SCN8A: variants seen among roughly 807,000 people sequenced by gnomAD.
The protein encoded by SCN8A is sodium voltage-gated channel alpha subunit 8.
Under a neutral mutation model 184.1 loss-of-function variants are expected in SCN8A, and 30 were observed. That is an observed-to-expected ratio of 0.16 (90% CI 0.12 to 0.22). The LOEUF is 0.22. Ranked by LOEUF, SCN8A falls within the 10% of genes least tolerant of loss-of-function variation. SCN8A has a pLI of 1.00. For missense variants in SCN8A, 1,057 were observed against 2,498.9 expected, an observed-to-expected ratio of 0.42 and a Z score of 12.30; for synonymous variants, 852 against 907.0, an observed-to-expected ratio of 0.94 and a Z score of 1.09.
intron 14 of SCN8A, among the ~76,000 whole-genome samples, chr12:51,759,837 C>T (rs55951855): frequency 0.051 from 7,787 of 152,290 alleles, 320 homozygotes; most frequent in South Asian, 0.11. Flanking sequence ...GCTGACATTT[C>T]TAGAGACTGA....
chr12:51,647,133 C>T (rs1045371964), intron 1 of SCN8A, among the ~76,000 whole-genome samples: 55 of 152,068 alleles, frequency 3.6e-4, no homozygotes, highest in African/African-American at 1.1e-3. Context: ...TGCTTGAGCC[C>T]AGGAGTTTAA....
chr12:51,799,939 G>A (rs1425489296), intron 26 of SCN8A, among the ~76,000 whole-genome samples: 1 of 152,174 alleles, frequency 6.6e-6, no homozygotes, highest in Non-Finnish European at 1.5e-5. Context: ...CCCATCCCCT[G>A]GCACCCAAAT....
intron 1 of SCN8A, among the ~76,000 whole-genome samples, chr12:51,633,347 G>A (rs1940241711): frequency 6.6e-6 from 1 of 152,178 alleles, no homozygotes; most frequent in Non-Finnish European, 1.5e-5. Flanking sequence ...CATCTTCATG[G>A]TTCTGTGTTT....
chr12:51,688,278 A>G (rs891682810), intron 5 of SCN8A, among the ~76,000 whole-genome samples: 6 of 152,358 alleles, frequency 3.9e-5, no homozygotes, highest in African/African-American at 1.4e-4. Context: ...CATGACTACA[A>G]TCATATGATT....
intron 1 of SCN8A, among the ~76,000 whole-genome samples, chr12:51,593,662 A>G (rs912432294): frequency 1.2e-4 from 18 of 151,996 alleles, no homozygotes; most frequent in Admixed American, 2.0e-4. Context: ...GGCGAAGTGC[A>G]CACACACTGG....
At chr12:51,698,445 C>T (rs1240091514) in intron 6 of SCN8A, among the ~76,000 whole-genome samples, 3 of 152,270 alleles carry the variant, frequency 2.0e-5, no homozygotes, top group South Asian at 4.1e-4. Context: ...CAAGGCTTAG[C>T]GCCTGCCTCT....
At chr12:51,730,044 A>T (rs1220389127) in intron 12 of SCN8A, among the ~76,000 whole-genome samples, 1 of 152,008 alleles carries the variant, frequency 6.6e-6, no homozygotes, top group Non-Finnish European at 1.5e-5. Context: ...TCAAATATAA[A>T]AATGTTTAAT....
At chr12:51,678,539 C>T (rs1012902433) in intron 2 of SCN8A, among the ~76,000 whole-genome samples, 2 of 152,190 alleles carry the variant, frequency 1.3e-5, no homozygotes, top group Admixed American at 6.5e-5. Context: ...CCTGAGTATG[C>T]CCATCAGGCA....
At chr12:51,678,536 A>G (rs1941265813) in intron 2 of SCN8A, among the ~76,000 whole-genome samples, 1 of 152,248 alleles carries the variant, frequency 6.6e-6, no homozygotes, top group African/African-American at 2.4e-5. Context: ...GGACCTGAGT[A>G]TGCCCATCAG....
intron 1 of SCN8A, among the ~76,000 whole-genome samples, chr12:51,595,171 C>T (rs1320579243): frequency 3.9e-5 from 6 of 152,076 alleles, no homozygotes; most frequent in Middle Eastern, 6.3e-3. Context: ...GGCGAGCACC[C>T]GCTTAAAAAA....
intron 15 of SCN8A, among the ~76,000 whole-genome samples, chr12:51,763,915 A>T (rs758229812): frequency 7.9e-5 from 12 of 152,270 alleles, no homozygotes; most frequent in Non-Finnish European, 1.6e-4. Context: ...AAGTGAAACT[A>T]TTTGTAAAAC....
At chr12:51,667,842 A>G (rs1941062239) in intron 2 of SCN8A, among the ~76,000 whole-genome samples, 1 of 152,156 alleles carries the variant, frequency 6.6e-6, no homozygotes. Context: ...TTAAATTACA[A>G]GATTGATCAA....
At chr12:51,694,975 A>G (rs1941569763) in intron 6 of SCN8A, among the ~76,000 whole-genome samples, 1 of 152,236 alleles carries the variant, frequency 6.6e-6, no homozygotes, top group Non-Finnish European at 1.5e-5. Flanking sequence ...GCAAGGAAGA[A>G]GAGTCTTGGC....
intron 1 of SCN8A, among the ~76,000 whole-genome samples, chr12:51,631,765 G>GGA (rs1417096377): frequency 6.6e-6 from 1 of 152,218 alleles, no homozygotes; most frequent in African/African-American, 2.4e-5. Flanking sequence ...CTGACTCACA[G>GGA]GAGAGCCAGC....
Position 51,600,991 on chromosome 12 carries a change from A to G in SCN8A, c.-55+9632A>G, listed in dbSNP as rs192979317. 2.6e-5 allele frequency among the ~76,000 whole-genome samples: 4 copies of G among 152,312 alleles called. No individual in the cohort carries two copies. The East Asian group carries it at 5.8e-4, about 22-fold the overall frequency. ...AAGATGTTAATAAATTTAGCACTCT[A>G]TTTAGGGTATTACCCAAATTACCCT... On this transcript the variant is annotated intron_variant, in intron 1 of 26. Coordinates refer to ENST00000627620, the MANE Select transcript of SCN8A (RefSeq NM_001330260.2).
At chr12:51,703,708 C>T (rs1941730570) in intron 9 of SCN8A, among the ~76,000 whole-genome samples, 1 of 152,096 alleles carries the variant, frequency 6.6e-6, no homozygotes, top group Non-Finnish European at 1.5e-5. Context: ...TATGACAGTC[C>T]ATTGTTTTCT....
Position 51,655,611 on chromosome 12 carries a change from C to T in SCN8A, c.-54-7153C>T, listed in dbSNP as rs540861121. On this transcript the variant is annotated intron_variant, in intron 1 of 26. Coordinates refer to ENST00000627620, the MANE Select transcript of SCN8A (RefSeq NM_001330260.2). ...CTGGTATCAAACTTCTGGCCTCAAG[C>T]GATCTTCCCATCTAAGCCTCCCAAA... 8.5e-5 allele frequency among the ~76,000 whole-genome samples: 13 copies of T among 152,188 alleles called. No homozygotes were observed. In the East Asian group the frequency reaches 1.7e-3, roughly 20 times the overall value.
chr12:51,748,798 T>C (rs1942552658), intron 13 of SCN8A, among the ~76,000 whole-genome samples: 1 of 152,066 alleles, frequency 6.6e-6, no homozygotes, highest in African/African-American at 2.4e-5. Flanking sequence ...TTAGTGAGGG[T>C]GGGGGCTCTT....
intron 26 of SCN8A, among the ~76,000 whole-genome samples, chr12:51,804,032 G>A (rs1006716864): frequency 6.6e-6 from 1 of 152,216 alleles, no homozygotes; most frequent in Non-Finnish European, 1.5e-5. Flanking sequence ...AGCTCCCATT[G>A]TCTTGTTAGT....
Sources: allele counts gnomAD v4.1 joint callset (sites outside exome capture counted in the v4.1 genomes callset), GRCh38; gene constraint gnomAD v4.1.1; transcripts MANE v1.5; gene names NCBI Gene and HGNC (gene_info 2026-07-23, HGNC 2026-07-21).